The following ANKRD10 variants were observed in gnomAD, a reference collection of about 807,000 sequenced individuals.
The protein encoded by ANKRD10 is ankyrin repeat domain 10, also known as ankyrin repeat domain-containing protein 10.
In ANKRD10, 14 loss-of-function variants were observed where a neutral mutation model predicts 27.0. The ratio of observed to expected loss-of-function variants is 0.52; its 90% CI spans 0.34 to 0.81. ANKRD10 has a LOEUF of 0.81. Among genes scored for constraint, ANKRD10 ranks in the 40% least tolerant of loss-of-function variants. The pLI is 0.01. For synonymous variants in ANKRD10, 250 were observed against 224.5 expected, an observed-to-expected ratio of 1.11 and a Z score of -1.01; for missense variants, 493 against 544.0, an observed-to-expected ratio of 0.91 and a Z score of 0.93.
At chr13:110,897,685 TA>T (rs2065266496) in intron 3 of ANKRD10, among the ~76,000 whole-genome samples, 1 of 152,202 alleles carries the variant, frequency 6.6e-6, no homozygotes, top group African/African-American at 2.4e-5. Context: ...GATGTCTCCA[TA>T]TATGGATTTT....
At chr13:110,888,454 G>C (rs1172007968) in intron 4 of ANKRD10, among the ~76,000 whole-genome samples, 1 of 151,896 alleles carries the variant, frequency 6.6e-6, no homozygotes, top group Non-Finnish European at 1.5e-5. Flanking sequence ...TATCATCCTG[G>C]CCACATTTTT....
intron 4 of ANKRD10, among the ~76,000 whole-genome samples, chr13:110,888,029 A>T (rs1462075281): frequency 6.6e-6 from 1 of 152,070 alleles, no homozygotes; most frequent in Non-Finnish European, 1.5e-5. Context: ...TTAAAACCAA[A>T]TTGTTTTTCT....
chr13:110,890,903 T>G (rs1239421747), intron 4 of ANKRD10, among the ~76,000 whole-genome samples: 1 of 152,180 alleles, frequency 6.6e-6, no homozygotes, highest in African/African-American at 2.4e-5. Context: ...TCAGCAGGAC[T>G]CTTTAAACCA....
chr13:110,886,054 G>C (rs2064921660), intron 4 of ANKRD10, among the ~76,000 whole-genome samples: 2 of 152,244 alleles, frequency 1.3e-5, no homozygotes, highest in South Asian at 4.1e-4. Flanking sequence ...CAAATGATCA[G>C]TAGCTGGCAT....
intron 2 of ANKRD10, 83 bp from the exon 3 acceptor site, chr13:110,906,207 G>C: frequency 9.6e-7 from 1 of 1,042,556 alleles, no homozygotes; most frequent in Non-Finnish European, 1.4e-6. Flanking sequence ...ACACAGATCA[G>C]AGACCTTCTC....
At chr13:110,898,363 G>A (rs1281897966) in intron 3 of ANKRD10, among the ~76,000 whole-genome samples, 1 of 152,096 alleles carries the variant, frequency 6.6e-6, no homozygotes, top group Admixed American at 6.5e-5. Context: ...AGAAGTTCAG[G>A]TCTTTAAATT....
chr13:110,899,394 C>CGT (rs2065321459), intron 3 of ANKRD10, among the ~76,000 whole-genome samples: 1 of 152,200 alleles, frequency 6.6e-6, no homozygotes, highest in East Asian at 1.9e-4. Flanking sequence ...TGACCTAAAA[C>CGT]GTGTGTCTGT....
rs1594538371 is a variant in ANKRD10, at chr13:110,884,965, T to C, written c.692-1172A>G. ...GGATTATTCTACAAAGATGCTAATG[T>C]ACAGAATGAGAAACCCGATTTCTGA... is the stretch of plus-strand genomic sequence containing the variant. On this transcript the variant is annotated intron_variant, in intron 4 of 5. Transcript: ENST00000267339. Among the ~76,000 whole-genome samples, 3 of 151,746 alleles carry C rather than the reference T, an allele frequency of 2.0e-5. No individual in the cohort carries two copies. In the South Asian group the frequency reaches 6.2e-4, roughly 32 times the overall value.
In ANKRD10 at chr13:110,879,652, C is replaced by T; in HGVS notation, c.1248G>A (p.Leu416=). The T allele has an allele frequency of 1.9e-6, 3 of 1,611,998 alleles. No homozygotes were observed. Among genetic ancestry groups the T allele is most frequent in the African/African-American group, 2.7e-5 (2 of 75,010 alleles). ...GTCAGCGTCTCTAGGAGCCGTGGTG[C>T]AGGTGCATGGTGCCCAGCACGGCAC... ...YDSAVLGTMH[L]HHGS The change falls in exon 6 of 6, where the codon CTG becomes CTA. Residue 416 remains leucine (L), a synonymous_variant. Coordinates refer to ENST00000267339, the MANE Select transcript of ANKRD10 (RefSeq NM_017664.4).
At chr13:110,882,878 A>G (rs1371808027) in intron 5 of ANKRD10, among the ~76,000 whole-genome samples, 3 of 152,178 alleles carry the variant, frequency 2.0e-5, no homozygotes, top group Non-Finnish European at 4.4e-5. Flanking sequence ...GACATAATAA[A>G]CTTAAAAAAA....
intron 1 of ANKRD10, 139 bp downstream of exon 1, chr13:110,914,586 C>A: frequency 7.6e-7 from 1 of 1,316,488 alleles, no homozygotes; most frequent in Non-Finnish European, 1.0e-6. Flanking sequence ...GCCCTAGGCC[C>A]CTCGGGGCAC....
chr13:110,906,186 T>C, intron 2 of ANKRD10, 62 bp from the exon 3 acceptor site: 2 of 1,283,412 alleles, frequency 1.6e-6, no homozygotes, highest in South Asian at 2.6e-5. Flanking sequence ...ATTTTGGAAG[T>C]AATGTCATTA....
At chr13:110,886,598 T>C (rs927284017) in intron 4 of ANKRD10, among the ~76,000 whole-genome samples, 2 of 152,190 alleles carry the variant, frequency 1.3e-5, no homozygotes, top group Non-Finnish European at 2.9e-5. Flanking sequence ...TTGTAAGCCA[T>C]GAAATTAAAA....
At chr13:110,912,001 G>A (rs1427747039) in intron 1 of ANKRD10, among the ~76,000 whole-genome samples, 1 of 152,218 alleles carries the variant, frequency 6.6e-6, no homozygotes. Context: ...ACTGAGCAAT[G>A]CACCTAGTGG....
chr13:110,891,340 CAAAT>C (rs2065067594), intron 4 of ANKRD10, among the ~76,000 whole-genome samples: 1 of 152,078 alleles, frequency 6.6e-6, no homozygotes. Flanking sequence ...AAACATGGTA[CAAAT>C]AAATGACAAT....
chr13:110,890,069 T>C (rs2065035021), intron 4 of ANKRD10, among the ~76,000 whole-genome samples: 1 of 152,162 alleles, frequency 6.6e-6, no homozygotes. Context: ...TACTCTGGCA[T>C]GAGAACCAAA....
At chr13:110,913,013 AG>A (rs2065765058) in intron 1 of ANKRD10, among the ~76,000 whole-genome samples, 1 of 152,274 alleles carries the variant, frequency 6.6e-6, no homozygotes, top group Non-Finnish European at 1.5e-5. Context: ...CCATGGAAGT[AG>A]ACTTTTGAAA....
At chr13:110,881,928 C>T (rs1319275161) in intron 5 of ANKRD10, among the ~76,000 whole-genome samples, 1 of 152,168 alleles carries the variant, frequency 6.6e-6, no homozygotes, top group Non-Finnish European at 1.5e-5. Context: ...CACATCACGA[C>T]CTCCAACGCT....
At chr13:110,912,786 G>C (rs1357092014) in intron 1 of ANKRD10, among the ~76,000 whole-genome samples, 1 of 152,224 alleles carries the variant, frequency 6.6e-6, no homozygotes, top group African/African-American at 2.4e-5. Flanking sequence ...TGGGGAGAAA[G>C]CCTGGACTTC....
Sources: allele counts gnomAD v4.1 joint callset (sites outside exome capture counted in the v4.1 genomes callset), GRCh38; gene constraint gnomAD v4.1.1; transcripts MANE v1.5; gene names NCBI Gene and HGNC (gene_info 2026-07-23, HGNC 2026-07-21).